The following RBBP8 variants were observed in gnomAD, a reference collection of about 807,000 sequenced individuals.
RBBP8 encodes the protein RB binding protein 8, endonuclease, also known as DNA endonuclease RBBP8.
Under a neutral mutation model 108.3 loss-of-function variants are expected in RBBP8, and 88 were observed. That is an observed-to-expected ratio of 0.81 (90% CI 0.68 to 0.97). The LOEUF (loss-of-function observed/expected upper bound fraction) is 0.97, where lower values mean the gene tolerates loss of function less well. Among genes scored for constraint, RBBP8 ranks in the 50% least tolerant of loss-of-function variants. The pLI, the probability that RBBP8 is intolerant of heterozygous loss-of-function variation, is 0.00. For missense variants in RBBP8, 1,023 were observed against 1,049.0 expected (o/e 0.98, Z 0.34); for synonymous variants, 332 against 348.2 (o/e 0.95, Z 0.52).
rs549604648 is a variant in RBBP8, at chr18:22,945,323, T to G, written c.110-1121T>G. ...ATATTCAACAGAAAAAATTTTCTAGTTTTTTACTATTTTAATATTTGATTA... is the reference window on the plus strand; with the variant it reads ...ATATTCAACAGAAAAAATTTTCTAGGTTTTTACTATTTTAATATTTGATTA... On this transcript the variant is annotated intron_variant, in intron 2 of 18. Coordinates refer to ENST00000327155, the MANE Select transcript of RBBP8 (RefSeq NM_002894.3). 2.6e-5 allele frequency among the ~76,000 whole-genome samples: 4 copies of G among 152,230 alleles called. 1 individual carries two copies. The East Asian group carries it at 5.8e-4, about 22-fold the overall frequency.
rs746234587 is a variant in RBBP8 at position 22,993,096 on chromosome 18, G to GT, written c.1270dup (p.Tyr424LeufsTer3). The GT allele has an allele frequency of 6.2e-7, 1 of 1,613,996 alleles. No individual in the cohort carries two copies. Among genetic ancestry groups the GT allele is most frequent in the Non-Finnish European group, 8.5e-7 (1 of 1,179,922 alleles). On this transcript the variant is annotated frameshift_variant, in exon 11 of 19. Transcript: ENST00000327155. LOFTEE classifies it high-confidence loss of function. ...CCCTAGGTGAACAGAATAGGACTGA[G>GT]TACGGTAAAGATTCTAACACTGATA...
rs191040402 is a variant in RBBP8 at position 23,010,078 on chromosome 18, A to G, written c.2357+3646A>G. Among the ~76,000 whole-genome samples, 376 of 152,128 alleles carry G rather than the reference A, an allele frequency of 2.5e-3. 1 individual carries two copies. Among genetic ancestry groups the G allele is most frequent in the African/African-American group, 8.5e-3 (351 of 41,496 alleles). ...CCTGGCCTGCTTTTTTTATTTAACT[A>G]TAGATCCTGGAAATCACTCAAGTTG... On this transcript the variant is annotated intron_variant, in intron 16 of 18. Coordinates refer to ENST00000327155, the MANE Select transcript of RBBP8 (RefSeq NM_002894.3).
chr18:22,982,150 C>A, intron 6 of RBBP8, 68 bp from the exon 7 acceptor site: 1 of 1,487,616 alleles, frequency 6.7e-7, no homozygotes, highest in Non-Finnish European at 9.3e-7. Context: ...TACTGTAACT[C>A]CATGCCATGT....
chr18:22,979,523 C>T (rs532936909), intron 6 of RBBP8, among the ~76,000 whole-genome samples: 1 of 152,278 alleles, frequency 6.6e-6, no homozygotes, highest in African/African-American at 2.4e-5. Context: ...ATAGTTCATA[C>T]AGTTCTCACT....
In RBBP8 at chr18:23,017,578, C is replaced by T. The variant is rs576423902; in HGVS notation, c.2454+654C>T. Among the ~76,000 whole-genome samples, 5 of 150,410 alleles carry T rather than the reference C, an allele frequency of 3.3e-5. No individual in the cohort carries two copies. In the South Asian group the frequency reaches 6.3e-4, roughly 19 times the overall value. On this transcript the variant is annotated intron_variant, in intron 17 of 18. Coordinates refer to ENST00000327155, the MANE Select transcript of RBBP8 (RefSeq NM_002894.3). ...CTGAGGCAGGAGAATGGCGTGAACC[C>T]GGGAGGCAGAGCTTGTAGTGAGCCG...
At chr18:23,001,210 A>T (rs1356366090) in intron 14 of RBBP8, among the ~76,000 whole-genome samples, 1 of 152,366 alleles carries the variant, frequency 6.6e-6, no homozygotes, top group Non-Finnish European at 1.5e-5. Flanking sequence ...TATCTTTTAC[A>T]TACGTGTCTA....
chr18:22,933,883 G>T (rs1206827438), intron 1 of RBBP8: 1 of 152,268 alleles, frequency 6.6e-6, no homozygotes, highest in African/African-American at 2.4e-5. Flanking sequence ...ACCCGCACGC[G>T]GAACCGGCGC....
At chr18:22,958,015 T>A (rs972981964) in intron 4 of RBBP8, among the ~76,000 whole-genome samples, 1 of 152,252 alleles carries the variant, frequency 6.6e-6, no homozygotes, top group Non-Finnish European at 1.5e-5. Context: ...GTGAACAGTT[T>A]CCCTGTTCTT....
At chr18:23,001,542 G>A (rs2045947088) in intron 14 of RBBP8, 44 bp from the exon 15 acceptor site, 5 of 1,612,372 alleles carry the variant, frequency 3.1e-6, no homozygotes, top group Middle Eastern at 3.4e-4. Context: ...TACATATTAA[G>A]CAAAAGCTTG....
At chr18:22,994,014 C>CTTTTTTTTTTTTT (rs777055614) in intron 12 of RBBP8, among the ~76,000 whole-genome samples, 167 bp downstream of exon 12, 5 of 75,104 alleles carry the variant, frequency 6.7e-5, no homozygotes, top group Non-Finnish European at 1.1e-4. Context: ...TTTTTCTGTT[C>CTTTTTTTTTTTTT]TTTTTTTTTT....
chr18:22,915,074 AC>A (rs754382147), intron 1 of RBBP8, among the ~76,000 whole-genome samples: 18 of 152,194 alleles, frequency 1.2e-4, no homozygotes, highest in Non-Finnish European at 1.9e-4. Flanking sequence ...ATACCATCCT[AC>A]CCCTTTATTT....
chr18:22,996,535 A>T, intron 13 of RBBP8, 73 bp downstream of exon 13: 1 of 1,577,628 alleles, frequency 6.3e-7, no homozygotes, highest in Non-Finnish European at 8.6e-7. Flanking sequence ...TCCTCTCGTG[A>T]CTCACTGTAT....
At chr18:22,938,921 G>A (rs1567946631) in intron 2 of RBBP8, among the ~76,000 whole-genome samples, 1 of 152,174 alleles carries the variant, frequency 6.6e-6, no homozygotes, top group Non-Finnish European at 1.5e-5. Context: ...GACGTGCAAG[G>A]AGTTTTAGAG....
At chr18:23,015,576 A>G (rs1053335935) in intron 16 of RBBP8, among the ~76,000 whole-genome samples, 5 of 149,770 alleles carry the variant, frequency 3.3e-5, no homozygotes, top group East Asian at 3.9e-4. Flanking sequence ...TTTTTCTAGT[A>G]GTTTTATAGT....
chr18:22,933,624 G>A (rs1695241731), intron 1 of RBBP8, 60 bp downstream of exon 1: 1 of 152,708 alleles, frequency 6.5e-6, no homozygotes, highest in Non-Finnish European at 1.5e-5. Context: ...ACTGCTTCTG[G>A]TCTGGAGCTG....
intron 14 of RBBP8, among the ~76,000 whole-genome samples, chr18:23,001,050 A>G (rs1370024238): frequency 2.6e-5 from 4 of 152,188 alleles, no homozygotes; most frequent in Non-Finnish European, 5.9e-5. Flanking sequence ...TGTTCACCAA[A>G]AGAACACTCT....
chr18:22,943,329 C>T (rs1234555204), intron 2 of RBBP8, among the ~76,000 whole-genome samples: 2 of 151,990 alleles, frequency 1.3e-5, no homozygotes, highest in African/African-American at 2.4e-5. Context: ...GTCCCAGCTA[C>T]TTGAGAGGTT....
chr18:23,000,997 T>C (rs2045937552), intron 14 of RBBP8, among the ~76,000 whole-genome samples: 1 of 152,256 alleles, frequency 6.6e-6, no homozygotes, highest in African/African-American at 2.4e-5. Flanking sequence ...CTTAGAATCA[T>C]GTTAGCATGT....
rs747007818 is a variant in RBBP8, at chr18:22,936,805, G to A, written c.-47G>A. The A allele has an allele frequency of 1.9e-6, 3 of 1,610,462 alleles. No individual in the cohort carries two copies. Among genetic ancestry groups the A allele is most frequent in the Non-Finnish European group, 2.5e-6 (3 of 1,177,476 alleles). Reference sequence around the variant, plus strand: ...GATACCTCTATAATGTAACAGAAAAGGTCAGAAAATATTAAGCAAGTAGAA... The same window carrying A: ...GATACCTCTATAATGTAACAGAAAAAGTCAGAAAATATTAAGCAAGTAGAA... On this transcript the variant is annotated 5_prime_UTR_variant, in exon 2 of 19. Coordinates refer to ENST00000327155, the MANE Select transcript of RBBP8 (RefSeq NM_002894.3).
Sources: gnomAD v4.1 joint callset for allele counts (sites outside exome capture counted in the v4.1 genomes callset) on GRCh38, gnomAD v4.1.1 for gene constraint, MANE v1.5 for transcripts, NCBI Gene and HGNC (gene_info 2026-07-23, HGNC 2026-07-21) for gene names.